Variants in ABR observed in about 807,000 individuals in gnomAD.
ABR encodes the protein ABR activator of RhoGEF and GTPase, also known as active breakpoint cluster region-related protein.
A neutral mutation model predicts 107.2 loss-of-function variants in ABR; 35 were observed. The observed-to-expected ratio is 0.33, with a 90% CI of 0.25 to 0.43. The LOEUF is 0.43. ABR is among the 20% of genes least tolerant of loss of function. The probability of loss-of-function intolerance (pLI) is 1.00; values close to 1 mark genes in which losing one functional copy is unlikely to be tolerated. For missense variants in ABR, 815 were observed against 1,115.2 expected, an observed-to-expected ratio of 0.73 and a Z score of 3.83; for synonymous variants, 498 against 462.0, an observed-to-expected ratio of 1.08 and a Z score of -1.00.
chr17:1,117,798 T>A (rs62067951), intron 2 of ABR, among the ~76,000 whole-genome samples: 4 of 73,044 alleles, frequency 5.5e-5, no homozygotes, highest in Admixed American at 1.5e-4. Flanking sequence ...CCCAGCGTTA[T>A]CCCTGAGCCT....
chr17:1,062,880 T>C (rs2034192824), intron 10 of ABR, among the ~76,000 whole-genome samples: 1 of 144,294 alleles, frequency 6.9e-6, no homozygotes, highest in African/African-American at 2.5e-5. Flanking sequence ...GACACTGTTA[T>C]GTGAACTGAG....
At chr17:1,065,558 C>G (rs548778784) in intron 10 of ABR, among the ~76,000 whole-genome samples, 1 of 150,790 alleles carries the variant, frequency 6.6e-6, no homozygotes, top group Non-Finnish European at 1.5e-5. Flanking sequence ...TATGCATGTT[C>G]CTCTAGACAC....
intron 6 of ABR, among the ~76,000 whole-genome samples, chr17:1,076,858 C>G (rs965079033): frequency 6.6e-6 from 1 of 152,180 alleles, no homozygotes; most frequent in Non-Finnish European, 1.5e-5. Context: ...GTGAGGCACT[C>G]GCTCTGGCCC....
At chr17:1,175,900 G>A (rs1174584711) in intron 1 of ABR, among the ~76,000 whole-genome samples, 1 of 152,014 alleles carries the variant, frequency 6.6e-6, no homozygotes, top group Non-Finnish European at 1.5e-5. Flanking sequence ...GACCATCCTG[G>A]CCAACACGGT....
At chr17:1,068,392 T>G (rs1270195678) in intron 9 of ABR, among the ~76,000 whole-genome samples, 1 of 150,856 alleles carries the variant, frequency 6.6e-6, no homozygotes, top group Non-Finnish European at 1.5e-5. Context: ...AAGGGAGAGG[T>G]AGGATAGCCT....
At chr17:1,067,819 C>T (rs147763854) in intron 9 of ABR, among the ~76,000 whole-genome samples, 2 of 152,328 alleles carry the variant, frequency 1.3e-5, no homozygotes, top group Admixed American at 6.5e-5. Flanking sequence ...TGTCTGCCAT[C>T]GCAAAGGACG....
rs114942006 is a variant in ABR at position 1,057,393 on chromosome 17, T to A, written c.1382-291A>T. Among the ~76,000 whole-genome samples the A allele has an allele frequency of 5.3e-3, 788 of 149,538 alleles. 9 individuals are homozygous for A. The highest frequency in any genetic ancestry group is 0.019 in the African/African-American group (753 of 40,468). The stretch of plus-strand genomic sequence containing the variant: ...TGTATGCGTTTTGTTTTCGTTTTTT[T>A]TTTAAACGGAGTCTCACTCTGTCGC... On this transcript the variant is annotated intron_variant, in intron 12 of 22. Coordinates refer to ENST00000302538, the MANE Select transcript of ABR (RefSeq NM_021962.5).
At chr17:1,188,288 T>C (rs931339929), upstream of ABR, among the ~76,000 whole-genome samples, 18 of 149,804 alleles carry the variant, frequency 1.2e-4, no homozygotes, top group African/African-American at 3.9e-4. Flanking sequence ...CAGTGGCTTA[T>C]GCCTGTAATC....
intron 1 of ABR, among the ~76,000 whole-genome samples, chr17:1,225,609 G>A (rs944810262): frequency 5.9e-5 from 9 of 151,926 alleles, no homozygotes; most frequent in South Asian, 2.1e-4. Flanking sequence ...CCGAGATGAC[G>A]CCACTGCACT....
rs144733998 is a variant in ABR, at chr17:1,141,253, C to T, written c.62-15886G>A. Among the ~76,000 whole-genome samples the T allele has an allele frequency of 2.6e-4, 40 of 152,258 alleles. No homozygotes were observed. In the East Asian group the frequency reaches 3.1e-3, roughly 12 times the overall value. On this transcript the variant is annotated intron_variant, in intron 1 of 22. Transcript: ENST00000302538. ...ATCCTGGAAACCAGCATCTTTCCCA[C>T]GGGACAAGCCACCTCCTTCTCAGGG...
intron 14 of ABR, among the ~76,000 whole-genome samples, chr17:1,054,152 T>C (rs1368354528): frequency 6.6e-6 from 1 of 152,208 alleles, no homozygotes; most frequent in Non-Finnish European, 1.5e-5. Flanking sequence ...AGGGATGGTT[T>C]CCGTGACCTC....
intron 12 of ABR, 162 bp downstream of exon 12, chr17:1,057,808 G>C: frequency 6.4e-6 from 4 of 620,250 alleles, no homozygotes; most frequent in Non-Finnish European, 1.2e-5. Context: ...AGATTCTTTG[G>C]GTCTCAATTA....
At chr17:1,079,788 C>CAAAAAAA (rs57412625) in intron 5 of ABR, among the ~76,000 whole-genome samples, 33 of 55,110 alleles carry the variant, frequency 6.0e-4, no homozygotes, top group Non-Finnish European at 7.3e-4. Context: ...GACTCTGTCT[C>CAAAAAAA]AAAAAAAAAA....
rs772673466 is a variant in ABR at position 1,179,736 on chromosome 17, G to A, written c.-9C>T. The A allele has an allele frequency of 7.9e-6, 12 of 1,526,532 alleles. No individual in the cohort carries two copies. Among genetic ancestry groups the A allele is most frequent in the African/African-American group, 7.1e-5 (5 of 70,274 alleles). The allele number at this position is 1,526,532 out of a possible 1,614,324, so 94.6% of individuals were successfully genotyped here. A position where few individuals can be genotyped will look rare whatever the true frequency, so the allele number is the denominator to read the frequency against. ...TGGCTGAGCGGCTCCATCCCGCGGC[G>A]GCGGCTCGGTCAGATCCGAAACCCG... On this transcript the variant is annotated 5_prime_UTR_variant, in exon 1 of 23. Transcript: ENST00000302538. The surrounding 1 kb of genome is among the most constrained non-coding windows in gnomAD (Gnocchi z 4.9).
chr17:1,218,335 C>G (rs566656236), intron 1 of ABR, among the ~76,000 whole-genome samples: 1 of 152,376 alleles, frequency 6.6e-6, no homozygotes, highest in South Asian at 2.1e-4. Flanking sequence ...CTTAACCTTA[C>G]TTGGTACGTA....
chr17:1,101,698 T>A (rs1168119229), intron 2 of ABR, among the ~76,000 whole-genome samples: 1 of 152,068 alleles, frequency 6.6e-6, no homozygotes, highest in Non-Finnish European at 1.5e-5. Flanking sequence ...TGTTCTCAAG[T>A]GGCTTAGACT....
At chr17:1,125,439 C>T (rs777559486) in intron 1 of ABR, 72 bp from the exon 2 acceptor site, 19 of 1,576,408 alleles carry the variant, frequency 1.2e-5, no homozygotes, top group East Asian at 8.9e-5. Flanking sequence ...GCGTAGTGGG[C>T]GCCGGCGGCG....
intron 1 of ABR, among the ~76,000 whole-genome samples, chr17:1,137,580 AT>A (rs1488147867): frequency 1.3e-5 from 2 of 152,204 alleles, no homozygotes; most frequent in African/African-American, 2.4e-5. Context: ...CAATGCTAAC[AT>A]GGAGGATCGC....
At chr17:1,058,714 C>CTG (rs1371705625) in intron 11 of ABR, 31 bp downstream of exon 11, 14 of 1,611,060 alleles carry the variant, frequency 8.7e-6, no homozygotes, top group African/African-American at 1.3e-5. Context: ...AAGGAAGGGG[C>CTG]TGTCTTGGTC....
Sources: gnomAD v4.1 joint callset for allele counts (sites outside exome capture counted in the v4.1 genomes callset) on GRCh38, gnomAD v4.1.1 for gene constraint, Gnocchi (gnomAD v3.1) non-coding constraint, MANE v1.5 for transcripts, NCBI Gene and HGNC (gene_info 2026-07-23, HGNC 2026-07-21) for gene names.